The following CCSER1 variants were observed in gnomAD, a reference collection of about 807,000 sequenced individuals.
CCSER1 encodes the protein serine-rich coiled-coil domain-containing protein 1.
In CCSER1, 41 loss-of-function variants were observed where a neutral mutation model predicts 82.0. That is an observed-to-expected ratio of 0.50 (90% CI 0.39 to 0.65). The LOEUF is 0.65. Ranked by LOEUF, CCSER1 falls within the 30% of genes least tolerant of loss-of-function variation. The pLI is 0.00. For synonymous variants in CCSER1, 414 were observed against 383.9 expected, an observed-to-expected ratio of 1.08 and a Z score of -0.92; for missense variants, 1,119 against 1,064.2, an observed-to-expected ratio of 1.05 and a Z score of -0.72.
intron 10 of CCSER1, among the ~76,000 whole-genome samples, chr4:91,187,273 G>A (rs952273289): frequency 3.3e-5 from 5 of 152,094 alleles, no homozygotes; most frequent in Admixed American, 2.6e-4. Context: ...GTTCCTATTC[G>A]GCCATCTTGG....
chr4:90,236,011 G>C (rs1386595151), intron 1 of CCSER1, among the ~76,000 whole-genome samples: 1 of 152,026 alleles, frequency 6.6e-6, no homozygotes, highest in African/African-American at 2.4e-5. Flanking sequence ...GCATGATCAT[G>C]GCTTACTGCA....
At chr4:90,460,324 C>CAAAAAAAAAAAAAAAAAAAAAAAAA (rs751331396) in intron 4 of CCSER1, among the ~76,000 whole-genome samples, 1 of 32,652 alleles carries the variant, frequency 3.1e-5, no homozygotes, top group African/African-American at 1.5e-4. Flanking sequence ...AACTCCGTCT[C>CAAAAAAAAAAAAAAAAAAAAAAAAA]AAAAAAAAAA....
intron 8 of CCSER1, among the ~76,000 whole-genome samples, chr4:90,831,636 C>T (rs889529089): frequency 6.6e-6 from 1 of 152,112 alleles, no homozygotes; most frequent in Non-Finnish European, 1.5e-5. Context: ...ATGAATAGCA[C>T]TTCATTTCAT....
At chr4:90,515,905 G>GA (rs2153620917) in intron 5 of CCSER1, among the ~76,000 whole-genome samples, 1 of 152,274 alleles carries the variant, frequency 6.6e-6, no homozygotes, top group South Asian at 2.1e-4. Flanking sequence ...GATGGTGAAA[G>GA]AAAGGACTCT....
intron 9 of CCSER1, among the ~76,000 whole-genome samples, chr4:91,076,279 C>T (rs1721984806): frequency 6.6e-6 from 1 of 151,758 alleles, no homozygotes; most frequent in Admixed American, 6.6e-5. Context: ...TTATACAGTA[C>T]CTCTTATCTA....
intron 9 of CCSER1, among the ~76,000 whole-genome samples, chr4:90,934,644 A>T (rs1730692652): frequency 6.6e-6 from 1 of 152,032 alleles, no homozygotes; most frequent in South Asian, 2.1e-4. Flanking sequence ...AAATTGGGGG[A>T]CTATCTGCTG....
At chr4:90,227,644 C>G (rs868698072) in intron 1 of CCSER1, among the ~76,000 whole-genome samples, 1 of 152,200 alleles carries the variant, frequency 6.6e-6, no homozygotes, top group African/African-American at 2.4e-5. Flanking sequence ...AGGAACAGCT[C>G]TGGTCTACAG....
At chr4:90,503,418 T>C (rs560698310) in intron 5 of CCSER1, among the ~76,000 whole-genome samples, 1 of 152,336 alleles carries the variant, frequency 6.6e-6, no homozygotes, top group Admixed American at 6.5e-5. Context: ...TATTTTTTCT[T>C]TTTTTAATTA....
chr4:91,152,723 A>AGGCCTGTGTCC (rs748489099), intron 10 of CCSER1, among the ~76,000 whole-genome samples: 10 of 152,076 alleles, frequency 6.6e-5, no homozygotes, highest in Non-Finnish European at 8.8e-5. Flanking sequence ...TGTAGTGACA[A>AGGCCTGTGTCC]AATCTCTCAG....
At chr4:90,826,930 C>T (rs574256583) in intron 8 of CCSER1, among the ~76,000 whole-genome samples, 5 of 152,260 alleles carry the variant, frequency 3.3e-5, no homozygotes, top group African/African-American at 4.8e-5. Flanking sequence ...CTGGCAAAGC[C>T]GGTCCCCCAG....
intron 10 of CCSER1, among the ~76,000 whole-genome samples, chr4:91,380,725 T>G (rs543819744): frequency 4.9e-4 from 75 of 152,350 alleles, no homozygotes; most frequent in South Asian, 1.0e-3. Context: ...GTCTTTTAAT[T>G]GGAGCATTTA....
At chr4:90,408,652 C>T (rs1307260698) in intron 4 of CCSER1, among the ~76,000 whole-genome samples, 3 of 152,074 alleles carry the variant, frequency 2.0e-5, no homozygotes, top group Non-Finnish European at 2.9e-5. Context: ...TCATCAAAGA[C>T]CAAAGGTAGA....
intron 10 of CCSER1, among the ~76,000 whole-genome samples, chr4:91,370,802 AT>A (rs1749985536): frequency 6.6e-6 from 1 of 152,228 alleles, no homozygotes; most frequent in Admixed American, 6.5e-5. Flanking sequence ...TAATAATCAC[AT>A]AAGGTTAAAT....
intron 10 of CCSER1, among the ~76,000 whole-genome samples, chr4:91,439,935 C>T (rs1266416727): frequency 6.6e-6 from 1 of 152,096 alleles, no homozygotes; most frequent in Admixed American, 6.5e-5. Flanking sequence ...TATATATGCA[C>T]CCAATACAGG....
chr4:91,136,670 A>G (rs1196604640), intron 10 of CCSER1, among the ~76,000 whole-genome samples: 1 of 152,156 alleles, frequency 6.6e-6, no homozygotes, highest in Non-Finnish European at 1.5e-5. Context: ...AATGAAAAGT[A>G]TGAATTTATT....
intron 10 of CCSER1, among the ~76,000 whole-genome samples, chr4:91,308,210 C>G (rs958187061): frequency 6.6e-6 from 1 of 151,958 alleles, no homozygotes; most frequent in African/African-American, 2.4e-5. Context: ...TTGCTGTTTA[C>G]TGAACTGTGG....
intron 10 of CCSER1, among the ~76,000 whole-genome samples, chr4:91,232,107 A>G (rs1478974973): frequency 6.6e-6 from 1 of 151,856 alleles, no homozygotes; most frequent in Non-Finnish European, 1.5e-5. Flanking sequence ...TTTGGCAAGG[A>G]TATAGAACAC....
At chr4:91,139,757 T>A (rs1728849027) in intron 10 of CCSER1, among the ~76,000 whole-genome samples, 1 of 152,194 alleles carries the variant, frequency 6.6e-6, no homozygotes, top group Admixed American at 6.5e-5. Flanking sequence ...ATCTAGTGTC[T>A]AATATACATT....
chr4:91,555,739 CTTATT>C (rs1379307975), intron 10 of CCSER1, among the ~76,000 whole-genome samples: 2 of 151,050 alleles, frequency 1.3e-5, no homozygotes, highest in African/African-American at 2.4e-5. Context: ...TCAATTTCAT[CTTATT>C]TTATGTTTTT....
Sources: allele counts gnomAD v4.1 joint callset (sites outside exome capture counted in the v4.1 genomes callset), GRCh38; gene constraint gnomAD v4.1.1; transcripts MANE v1.5; gene names NCBI Gene and HGNC (gene_info 2026-07-23, HGNC 2026-07-21).